NREP: variants seen among roughly 807,000 people sequenced by gnomAD.
NREP encodes the protein neuronal regeneration related protein, also known as neuronal regeneration-related protein.
NREP carries 5 observed loss-of-function variants against 8.6 expected under a neutral mutation model. That is an observed-to-expected ratio of 0.58 (90% CI 0.30 to 1.22). The LOEUF is 1.22. Ranked by LOEUF, NREP falls within the 50% of genes most tolerant of loss-of-function variation. The probability of loss-of-function intolerance (pLI) is 0.07; values close to 1 mark genes in which losing one functional copy is unlikely to be tolerated. For missense variants in NREP, 86 were observed against 82.5 expected (o/e 1.04, Z -0.17); for synonymous variants, 27 against 28.0 (o/e 0.96, Z 0.11).
chr5:111,784,919 A>G (rs1751573614), intron 2 of NREP, among the ~76,000 whole-genome samples: 1 of 152,204 alleles, frequency 6.6e-6, no homozygotes, highest in Non-Finnish European at 1.5e-5. Context: ...CTACAAAGTC[A>G]GGCTGGGTGT....
chr5:111,928,365 T>G (rs1158295980), intron 2 of NREP, among the ~76,000 whole-genome samples: 1 of 152,132 alleles, frequency 6.6e-6, no homozygotes, highest in African/African-American at 2.4e-5. Context: ...TTGTCTTTCC[T>G]TATAAGGAAA....
At chr5:111,808,160 A>C (rs368075820) in intron 2 of NREP, among the ~76,000 whole-genome samples, 5 of 152,226 alleles carry the variant, frequency 3.3e-5, no homozygotes, top group African/African-American at 1.2e-4. Flanking sequence ...ATAAGAATGC[A>C]CAAAGATTTA....
chr5:111,960,046 TTTTTCAAAAAACTAAA>T (rs564056747), intron 2 of NREP, among the ~76,000 whole-genome samples: 1,591 of 152,234 alleles, frequency 0.01, 28 homozygotes, highest in African/African-American at 0.036. Context: ...CAGAGTCAAG[TTTTTCAAAAAACTAAA>T]TTTGTTAATT....
At chr5:111,968,221 A>T (rs1334867984) in intron 2 of NREP, among the ~76,000 whole-genome samples, 2 of 148,716 alleles carry the variant, frequency 1.3e-5, no homozygotes, top group South Asian at 2.1e-4. Flanking sequence ...TAAAAATCTT[A>T]AAAAAAAGGT....
rs114524399 is a variant in NREP, at chr5:111,824,039, G to T, written c.136-88532C>A. ...ACTGATTTTTCTAGAAATTCTGAGG[G>T]ACCAAAGGTAAGAGTGGCACTAATG... is the stretch of plus-strand genomic sequence containing the variant. On this transcript the variant is annotated intron_variant, in intron 2 of 3. Transcript: ENST00000395634. 7.5e-3 allele frequency among the ~76,000 whole-genome samples: 1,137 copies of T among 152,238 alleles called. 14 individuals carry two copies. The highest frequency in any genetic ancestry group is 0.024 in the African/African-American group (984 of 41,530).
chr5:111,893,351 A>G (rs1044699344), intron 2 of NREP, among the ~76,000 whole-genome samples: 1 of 152,148 alleles, frequency 6.6e-6, no homozygotes, highest in African/African-American at 2.4e-5. Flanking sequence ...GCTTTTAAGA[A>G]AAGAAATAGT....
chr5:111,874,318 A>G (rs1433279162), intron 2 of NREP, among the ~76,000 whole-genome samples: 1 of 152,216 alleles, frequency 6.6e-6, no homozygotes, highest in Non-Finnish European at 1.5e-5. Flanking sequence ...GGAAAAAACT[A>G]AAAACAATTA....
intron 2 of NREP, among the ~76,000 whole-genome samples, chr5:111,858,949 A>G (rs145604498): frequency 6.6e-6 from 1 of 152,220 alleles, no homozygotes; most frequent in East Asian, 1.9e-4. Flanking sequence ...GCAAAGGGAA[A>G]GGTAATATAT....
chr5:111,735,559 G>T, intron 2 of NREP, 52 bp from the exon 3 acceptor site: 1 of 1,306,250 alleles, frequency 7.7e-7, no homozygotes. Context: ...GATCCACTCT[G>T]AAACTACACG....
intron 2 of NREP, among the ~76,000 whole-genome samples, chr5:111,905,585 T>C (rs547128809): frequency 4.6e-5 from 7 of 152,206 alleles, no homozygotes; most frequent in Non-Finnish European, 7.4e-5. Context: ...GAAAGTACGT[T>C]TGCTACTGCA....
At chr5:111,971,185 A>G (rs1756806733) in intron 2 of NREP, among the ~76,000 whole-genome samples, 1 of 152,216 alleles carries the variant, frequency 6.6e-6, no homozygotes, top group South Asian at 2.1e-4. Flanking sequence ...TACTTTTCTC[A>G]TCAGACCTAA....
chr5:111,900,765 A>G (rs193290614), intron 2 of NREP, among the ~76,000 whole-genome samples: 8 of 148,228 alleles, frequency 5.4e-5, no homozygotes, highest in Non-Finnish European at 8.9e-5. Flanking sequence ...AAACAGTAAT[A>G]AAAAAAGTCT....
intron 2 of NREP, among the ~76,000 whole-genome samples, chr5:111,825,506 A>G (rs1420422069): frequency 6.6e-6 from 1 of 152,246 alleles, no homozygotes; most frequent in Admixed American, 6.5e-5. Context: ...TGATTGGCAC[A>G]TGAAAGGCAC....
rs752291801 is a variant in NREP, at chr5:111,948,332, T to C, written c.135+26942A>G. On this transcript the variant is annotated intron_variant, in intron 2 of 3. Transcript: ENST00000395634. ...AGACTGCAGTGTGCTGGATAAATGC[T>C]AGCCAAGTCTCACTGAAATGAATTC... Among the ~76,000 whole-genome samples, 121 of 152,116 alleles carry C rather than the reference T, an allele frequency of 8.0e-4. 1 individual carries two copies. The highest frequency in any genetic ancestry group is 2.8e-4 in the Non-Finnish European group (19 of 67,998).
chr5:111,755,559 A>G, intron 2 of NREP: 1 of 609,582 alleles, frequency 1.6e-6, no homozygotes, highest in Non-Finnish European at 3.0e-6. Flanking sequence ...TCTATTCAAA[A>G]TAATTGCAAG....
intron 2 of NREP, among the ~76,000 whole-genome samples, chr5:111,884,270 C>T (rs1330406830): frequency 6.6e-6 from 1 of 151,350 alleles, no homozygotes; most frequent in Admixed American, 6.6e-5. Context: ...CAAGACTAAA[C>T]CAGGAAGAAG....
chr5:111,732,296 C>T (rs1299494510), intron 3 of NREP: 1 of 151,922 alleles, frequency 6.6e-6, no homozygotes, highest in Non-Finnish European at 1.5e-5. Context: ...CAGGGGTGAA[C>T]TAAATGCAAC....
rs80341206 is a variant in NREP at position 111,966,633 on chromosome 5, G to A, written c.135+8641C>T. ...GGCAGGATTCAAAAAATGAGAGAAG[G>A]AGGAAAAAAGGAGAATTAAAGCAGA... On this transcript the variant is annotated intron_variant, in intron 2 of 3. Transcript: ENST00000395634. Among the ~76,000 whole-genome samples the A allele has an allele frequency of 3.1e-3, 478 of 152,064 alleles. 1 individual carries two copies. The highest frequency in any genetic ancestry group is 4.2e-3 in the Non-Finnish European group (287 of 67,964).
intron 2 of NREP, among the ~76,000 whole-genome samples, chr5:111,747,569 A>T (rs1333745679): frequency 6.6e-6 from 1 of 152,048 alleles, no homozygotes; most frequent in Non-Finnish European, 1.5e-5. Context: ...GCACATTATG[A>T]GTCTCCCTGT....
Sources: gnomAD v4.1 joint callset for allele counts (sites outside exome capture counted in the v4.1 genomes callset) on GRCh38, gnomAD v4.1.1 for gene constraint, MANE v1.5 for transcripts, NCBI Gene and HGNC (gene_info 2026-07-23, HGNC 2026-07-21) for gene names.